PDE4D: variants seen among roughly 807,000 people sequenced by gnomAD.
The protein encoded by PDE4D is 3',5'-cyclic-AMP phosphodiesterase 4D.
PDE4D carries 24 observed loss-of-function variants against 87.4 expected under a neutral mutation model. The ratio of observed to expected loss-of-function variants is 0.27; its 90% CI spans 0.20 to 0.39. PDE4D has a LOEUF of 0.39. Ranked by LOEUF, PDE4D falls within the 10% of genes least tolerant of loss-of-function variation. The pLI is 1.00. For synonymous variants in PDE4D, 384 were observed against 383.2 expected (o/e 1.00, Z -0.02); for missense variants, 714 against 1,041.0 (o/e 0.69, Z 4.32).
intron 2 of PDE4D, among the ~76,000 whole-genome samples, chr5:60,130,504 T>A (rs746599478): frequency 6.6e-6 from 1 of 152,200 alleles, no homozygotes; most frequent in Non-Finnish European, 1.5e-5. Context: ...AAGACAGGGC[T>A]ATGTCTATAA....
rs571340680 is a variant in PDE4D at position 59,224,436 on chromosome 5, C to A, written c.456-8468G>T. On this transcript the variant is annotated intron_variant, in intron 1 of 14. Transcript: ENST00000340635. Reference sequence around the variant, plus strand: ...TTGTCAGTGACACTCCCAAGTAACACAGGGCAATAAAGAGATTCAAGATGG... The same window carrying A: ...TTGTCAGTGACACTCCCAAGTAACAAAGGGCAATAAAGAGATTCAAGATGG... Among the ~76,000 whole-genome samples, 5 of 152,136 alleles carry A rather than the reference C, an allele frequency of 3.3e-5. No homozygotes were observed. The South Asian group carries it at 8.3e-4, about 25-fold the overall frequency.
chr5:59,896,707 T>C (rs911792046), upstream of PDE4D, among the ~76,000 whole-genome samples: 17 of 152,344 alleles, frequency 1.1e-4, no homozygotes, highest in Admixed American at 5.9e-4. Flanking sequence ...ATACTATTAG[T>C]TGACTCGCCC....
chr5:59,060,167 T>C (rs1287994890), intron 5 of PDE4D, among the ~76,000 whole-genome samples: 2 of 152,034 alleles, frequency 1.3e-5, no homozygotes, highest in African/African-American at 4.8e-5. Flanking sequence ...ATGGCTGGAG[T>C]CGGAGCAGCC....
At chr5:60,170,696 G>A (rs916692428) in intron 2 of PDE4D, among the ~76,000 whole-genome samples, 2 of 151,930 alleles carry the variant, frequency 1.3e-5, no homozygotes, top group South Asian at 4.1e-4. Context: ...AGAGAAACAC[G>A]ATAATGACAT....
In PDE4D at chr5:59,113,519, T is replaced by C. The variant is rs145509945; in HGVS notation, c.808+67076A>G. On this transcript the variant is annotated intron_variant, in intron 5 of 14. Transcript: ENST00000340635. Reference sequence around the variant, plus strand: ...AACATTCATTACTACATCTTAGAAATTGTGTCTTTTTTGTTTCTCTAGACA... The same window carrying C: ...AACATTCATTACTACATCTTAGAAACTGTGTCTTTTTTGTTTCTCTAGACA... 5.4e-3 allele frequency among the ~76,000 whole-genome samples: 829 copies of C among 152,324 alleles called. 6 individuals are homozygous for C. The highest frequency in any genetic ancestry group is 0.021 in the South Asian group (103 of 4,828).
intron 1 of PDE4D, among the ~76,000 whole-genome samples, chr5:59,449,260 C>T: frequency 6.6e-6 from 1 of 152,104 alleles, no homozygotes; most frequent in Non-Finnish European, 1.5e-5. Context: ...GTAATAGTCC[C>T]CCTTTTACTA....
chr5:60,008,387 C>T (rs1764684788), intron 2 of PDE4D, among the ~76,000 whole-genome samples: 2 of 152,054 alleles, frequency 1.3e-5, no homozygotes, highest in Non-Finnish European at 2.9e-5. Flanking sequence ...GAGACATCTA[C>T]TAATTTTGAA....
At chr5:59,030,104 A>G (rs541384390) in intron 6 of PDE4D, among the ~76,000 whole-genome samples, 3 of 152,138 alleles carry the variant, frequency 2.0e-5, no homozygotes, top group Non-Finnish European at 4.4e-5. Context: ...ATAAGGGAAA[A>G]TCTCCACAAC....
intron 1 of PDE4D, among the ~76,000 whole-genome samples, chr5:59,798,639 A>G (rs1309423372): frequency 6.6e-6 from 1 of 152,232 alleles, no homozygotes; most frequent in Admixed American, 6.5e-5. Context: ...TATAGAAATC[A>G]CTGGGTAACT....
Position 59,996,082 on chromosome 5 carries a change from C to A in PDE4D, c.43-7365G>T, listed in dbSNP as rs74863837. Reference sequence around the variant, plus strand: ...CTTCAGCCACTCAAACTGGTTGGGTCTCTCCCCATGTTCAAATATTCTTTC... The same window carrying A: ...CTTCAGCCACTCAAACTGGTTGGGTATCTCCCCATGTTCAAATATTCTTTC... On this transcript the variant is annotated intron_variant, in intron 2 of 16. Coordinates refer to the PDE4D transcript ENST00000502484. Among the ~76,000 whole-genome samples, 215 of 152,282 alleles carry A rather than the reference C, an allele frequency of 1.4e-3. 1 individual carries two copies. Among genetic ancestry groups the A allele is most frequent in the African/African-American group, 3.8e-3 (160 of 41,568 alleles).
intron 1 of PDE4D, among the ~76,000 whole-genome samples, chr5:59,550,989 C>T (rs945948123): frequency 3.3e-5 from 5 of 152,150 alleles, no homozygotes; most frequent in Non-Finnish European, 7.3e-5. Flanking sequence ...AGCCACCCCA[C>T]CTGGACGATT....
At chr5:59,636,098 A>AGCAG (rs934743275) in intron 1 of PDE4D, among the ~76,000 whole-genome samples, 4 of 656 alleles carry the variant, frequency 6.1e-3, no homozygotes, top group African/African-American at 0.025. Flanking sequence ...ATAATAGACA[A>AGCAG]ACAGCCAAAT....
intron 1 of PDE4D, among the ~76,000 whole-genome samples, chr5:59,832,766 T>A (rs1365001368): frequency 6.6e-6 from 1 of 152,094 alleles, no homozygotes; most frequent in South Asian, 2.1e-4. Context: ...CTTCCACCAC[T>A]AATCAATATT....
chr5:60,194,941 C>T (rs185420438), intron 1 of PDE4D, among the ~76,000 whole-genome samples: 1 of 151,810 alleles, frequency 6.6e-6, no homozygotes, highest in Admixed American at 6.6e-5. Flanking sequence ...CCCCTGTCTG[C>T]TGTTTGCAGT....
chr5:60,417,237 T>G (rs1742685124), intron 1 of PDE4D, among the ~76,000 whole-genome samples: 1 of 152,244 alleles, frequency 6.6e-6, no homozygotes, highest in Non-Finnish European at 1.5e-5. Flanking sequence ...TTGTTTAATC[T>G]GTGAGATGAG....
At chr5:59,167,926 T>A (rs78860289) in intron 5 of PDE4D, among the ~76,000 whole-genome samples, 1 of 152,228 alleles carries the variant, frequency 6.6e-6, no homozygotes, top group East Asian at 1.9e-4. Context: ...AAGTTCTCTA[T>A]GTGGACAGTT....
intron 1 of PDE4D, among the ~76,000 whole-genome samples, chr5:60,228,771 G>T (rs2149618147): frequency 6.6e-6 from 1 of 152,190 alleles, no homozygotes; most frequent in African/African-American, 2.4e-5. Flanking sequence ...ATGACTATGT[G>T]AAAAGAGAGA....
At chr5:60,325,454 T>C (rs1379302670) in intron 1 of PDE4D, among the ~76,000 whole-genome samples, 1 of 152,190 alleles carries the variant, frequency 6.6e-6, no homozygotes, top group East Asian at 1.9e-4. Flanking sequence ...TCTTTGATGA[T>C]TGATATTGTC....
intron 1 of PDE4D, among the ~76,000 whole-genome samples, chr5:59,305,185 G>C (rs1432210749): frequency 6.6e-6 from 1 of 152,176 alleles, no homozygotes; most frequent in African/African-American, 2.4e-5. Flanking sequence ...GTGCATAAAG[G>C]TGTTCATAGT....
Sources: gnomAD v4.1 joint callset for allele counts (sites outside exome capture counted in the v4.1 genomes callset) on GRCh38, gnomAD v4.1.1 for gene constraint, MANE v1.5 for transcripts, NCBI Gene and HGNC (gene_info 2026-07-23, HGNC 2026-07-21) for gene names.